The following HELZ variants were observed in gnomAD, a reference collection of about 807,000 sequenced individuals.
The protein encoded by HELZ is helicase with zinc finger.
Under a neutral mutation model 218.2 loss-of-function variants are expected in HELZ, and 23 were observed. The observed-to-expected ratio is 0.11, with a 90% CI of 0.08 to 0.15. The LOEUF is 0.15. Among genes scored for constraint, HELZ ranks in the 10% least tolerant of loss-of-function variants. The pLI is 1.00. For missense variants in HELZ, 1,813 were observed against 2,353.7 expected, an observed-to-expected ratio of 0.77 and a Z score of 4.75; for synonymous variants, 814 against 829.4, an observed-to-expected ratio of 0.98 and a Z score of 0.32.
intron 12 of HELZ, among the ~76,000 whole-genome samples, chr17:67,184,747 T>G (rs1361216761): frequency 6.6e-6 from 1 of 151,956 alleles, no homozygotes; most frequent in Non-Finnish European, 1.5e-5. Context: ...GCCTAGGAGT[T>G]CAAGGCTGCA....
chr17:67,188,728 T>A lies in HELZ; in HGVS notation c.865-112A>T. ...AGGGACTTTTACTTCCCCAAGCTTC[T>A]AAGATACTATAGCCATTTAAGAAAA... On this transcript the variant is annotated intron_variant, in intron 11 of 32. Coordinates refer to ENST00000358691, the MANE Select transcript of HELZ (RefSeq NM_014877.4). This position sits in a 1 kb window ranked among gnomAD's most constrained non-coding sequence, Gnocchi z 4.1. 1 of 785,916 alleles carries A rather than the reference T, an allele frequency of 1.3e-6. No individual in the cohort carries two copies. The highest frequency in any genetic ancestry group is 2.0e-6 in the Non-Finnish European group (1 of 494,816). 48.7% of individuals were successfully genotyped at this position (785,916 alleles called of 1,614,324 possible).
intron 17 of HELZ, among the ~76,000 whole-genome samples, chr17:67,155,942 C>T (rs2038828421): frequency 6.7e-6 from 1 of 148,820 alleles, no homozygotes; most frequent in Admixed American, 6.7e-5. Context: ...ATATATTATA[C>T]ATATATACAC....
chr17:67,208,325 G>A (rs549639021), intron 5 of HELZ, among the ~76,000 whole-genome samples: 8 of 152,260 alleles, frequency 5.3e-5, no homozygotes, highest in African/African-American at 1.9e-4. Context: ...GAGCAGTTCT[G>A]TATCTTAATT....
intron 18 of HELZ, 54 bp downstream of exon 18, chr17:67,150,992 T>C: frequency 6.6e-7 from 1 of 1,518,220 alleles, no homozygotes. Flanking sequence ...AATCCCAGTC[T>C]AAACTGAATT....
intron 23 of HELZ, among the ~76,000 whole-genome samples, chr17:67,129,532 G>C (rs993271668): frequency 6.6e-6 from 1 of 151,932 alleles, no homozygotes; most frequent in Admixed American, 6.6e-5. Context: ...ATCCTCATGA[G>C]GATTCTTAAG....
chr17:67,245,889 C>A (rs1020156599), upstream of HELZ: 2 of 152,222 alleles, frequency 1.3e-5, no homozygotes, highest in African/African-American at 4.8e-5. Flanking sequence ...AGGTGGGGAC[C>A]CCTCCCCTAG....
Position 67,145,764 on chromosome 17 carries a change from T to C in HELZ, c.2748A>G (p.Thr916=). 1 of 1,610,336 alleles carries C rather than the reference T, an allele frequency of 6.2e-7. No individual in the cohort carries two copies. Among genetic ancestry groups the C allele is most frequent in the Non-Finnish European group, 8.5e-7 (1 of 1,177,364 alleles). The change falls in exon 21 of 33, where the codon ACA becomes ACG. Residue 916 remains threonine (T), a synonymous_variant. Coordinates refer to ENST00000358691, the MANE Select transcript of HELZ (RefSeq NM_014877.4). ...RGEDVQEKNS[T]AFYNNAEVFE... ...GTACCTCTGCATTATTATAAAAAGC[T>C]GTGCTATTTTTTTCTTGTACATCTT...
intron 13 of HELZ, among the ~76,000 whole-genome samples, chr17:67,178,455 AT>A (rs2039518898): frequency 6.6e-6 from 1 of 152,186 alleles, no homozygotes; most frequent in African/African-American, 2.4e-5. Flanking sequence ...GAAATGAACT[AT>A]GTGCTAAATA....
chr17:67,180,570 C>T (rs911532652), intron 12 of HELZ, among the ~76,000 whole-genome samples: 1 of 152,054 alleles, frequency 6.6e-6, no homozygotes, highest in Non-Finnish European at 1.5e-5. Flanking sequence ...ATGGAGAAAT[C>T]CTGTCCCTAC....
chr17:67,094,335 G>A (rs577284569), intron 31 of HELZ, among the ~76,000 whole-genome samples: 91 of 132,818 alleles, frequency 6.9e-4, no homozygotes, highest in Middle Eastern at 3.8e-3. Flanking sequence ...AAAAAAAAAA[G>A]AGAGAGAGAG....
At chr17:67,213,571 G>A (rs573692067) in intron 5 of HELZ, among the ~76,000 whole-genome samples, 35 of 152,130 alleles carry the variant, frequency 2.3e-4, no homozygotes, top group African/African-American at 8.0e-4. Context: ...ACAGTGACCC[G>A]AGATCACGCC....
intron 5 of HELZ, among the ~76,000 whole-genome samples, chr17:67,208,232 A>T (rs1403129939): frequency 6.6e-6 from 1 of 152,180 alleles, no homozygotes; most frequent in African/African-American, 2.4e-5. Context: ...AAGAAACAAC[A>T]AAAAAAGAAG....
rs1381186688 is a variant in HELZ, at chr17:67,070,824, T to C, written c.*7428A>G. 1 of 152,220 alleles carries C rather than the reference T, an allele frequency of 6.6e-6. No homozygotes were observed. The highest frequency in any genetic ancestry group is 1.9e-4 in the East Asian group (1 of 5,192). 9.4% of individuals were successfully genotyped at this position (152,220 alleles called of 1,614,324 possible). A position where few individuals can be genotyped will look rare whatever the true frequency, so the allele number is the denominator to read the frequency against. ...CATAAGTTATGCCTATTTAGATGGC[T>C]GTATAACTGGTACTTTGAAGAGATG... is the stretch of plus-strand genomic sequence containing the variant. On this transcript the variant is annotated 3_prime_UTR_variant, in exon 33 of 33. Transcript: ENST00000358691.
At chr17:67,138,325 C>A (rs1389352225) in intron 21 of HELZ, among the ~76,000 whole-genome samples, 18 of 151,770 alleles carry the variant, frequency 1.2e-4, no homozygotes, top group Admixed American at 9.8e-4. Context: ...CAGTAAAATT[C>A]TCCAATAATA....
At position 67,194,062 on chromosome 17, in the gene HELZ, T is replaced by C. The variant is rs772825724; in HGVS notation, c.482-20A>G. The stretch of plus-strand genomic sequence containing the variant: ...AAGACCCTAGGGAGTAATTAGGATA[T>C]AGTCTTATCATTTGAGGCTAGCCAG... On this transcript the variant is annotated intron_variant, in intron 8 of 32. Coordinates refer to ENST00000358691, the MANE Select transcript of HELZ (RefSeq NM_014877.4). 22 of 1,563,658 alleles carry C rather than the reference T, an allele frequency of 1.4e-5. No individual in the cohort carries two copies. In the Admixed American group the frequency reaches 2.5e-4, roughly 18 times the overall value.
At chr17:67,126,509 T>G (rs2037800650) in intron 24 of HELZ, among the ~76,000 whole-genome samples, 1 of 152,218 alleles carries the variant, frequency 6.6e-6, no homozygotes, top group Admixed American at 6.5e-5. Context: ...GTAAATTTAC[T>G]TAGTTTATAT....
chr17:67,128,151 A>T (rs899841072), intron 24 of HELZ, among the ~76,000 whole-genome samples: 1 of 152,178 alleles, frequency 6.6e-6, no homozygotes, highest in African/African-American at 2.4e-5. Flanking sequence ...TATGTGTCAA[A>T]ATCAATTAAA....
chr17:67,129,927 G>T (rs571651879), intron 23 of HELZ, among the ~76,000 whole-genome samples: 3 of 152,162 alleles, frequency 2.0e-5, no homozygotes, highest in African/African-American at 7.2e-5. Flanking sequence ...TATGTGATAT[G>T]GTTTCTTCCC....
chr17:67,138,843 G>A lies in HELZ; in HGVS notation c.2770-729C>T, dbSNP rs2038231487. 2.0e-5 allele frequency among the ~76,000 whole-genome samples: 3 copies of A among 152,138 alleles called. 1 individual carries two copies. Among genetic ancestry groups the A allele is most frequent in the South Asian group, 4.1e-4 (2 of 4,834 alleles). ...ATAGTTTGTTCTATTTTAATTCAAT[G>A]AATTGATCAAACAGTTTCAATGTCT... On this transcript the variant is annotated intron_variant, in intron 21 of 32. Transcript: ENST00000358691.
Sources: allele counts gnomAD v4.1 joint callset (sites outside exome capture counted in the v4.1 genomes callset), GRCh38; gene constraint gnomAD v4.1.1; non-coding constraint Gnocchi (gnomAD v3.1); transcripts MANE v1.5; gene names NCBI Gene and HGNC (gene_info 2026-07-23, HGNC 2026-07-21).